The following PRAG1 variants were observed in gnomAD, a reference collection of about 807,000 sequenced individuals.
PRAG1 encodes the protein PEAK1 related, kinase-activating pseudokinase 1.
A neutral mutation model predicts 95.6 loss-of-function variants in PRAG1; 110 were observed. The observed-to-expected ratio is 1.15, with a 90% CI of 0.99 to 1.35. PRAG1 has a LOEUF of 1.35. Among genes scored for constraint, PRAG1 ranks in the 40% most tolerant of loss-of-function variants. PRAG1 has a pLI of 0.00. For missense variants in PRAG1, 2,554 were observed against 1,864.7 expected, an observed-to-expected ratio of 1.37 and a Z score of -6.81; for synonymous variants, 1,052 against 819.4, an observed-to-expected ratio of 1.28 and a Z score of -4.85.
chr8:8,325,736 C>A (rs957482331), intron 5 of PRAG1, among the ~76,000 whole-genome samples: 3 of 151,872 alleles, frequency 2.0e-5, no homozygotes, highest in African/African-American at 7.3e-5. Flanking sequence ...TGGGGAAACC[C>A]CATCTCTGCT....
intron 3 of PRAG1, among the ~76,000 whole-genome samples, chr8:8,348,961 A>G (rs1258531014): frequency 4.6e-5 from 7 of 152,216 alleles, no homozygotes; most frequent in Non-Finnish European, 8.8e-5. Flanking sequence ...CCACAGTGGC[A>G]TCTGGGAGAA....
intron 4 of PRAG1, among the ~76,000 whole-genome samples, chr8:8,336,953 T>C (rs778289244): frequency 3.7e-5 from 5 of 133,776 alleles, no homozygotes; most frequent in Admixed American, 8.0e-5. Flanking sequence ...TCACTAACTT[T>C]AGCCATTAAC....
At chr8:8,327,258 T>G (rs946726901) in intron 5 of PRAG1, among the ~76,000 whole-genome samples, 8 of 152,202 alleles carry the variant, frequency 5.3e-5, no homozygotes, top group Admixed American at 1.3e-4. Context: ...GTGAAGCTGC[T>G]GAGCACTAAG....
chr8:8,335,726 C>T (rs1798964636), intron 4 of PRAG1, among the ~76,000 whole-genome samples: 1 of 150,228 alleles, frequency 6.7e-6, no homozygotes, highest in African/African-American at 2.4e-5. Context: ...CCACCCTGTT[C>T]CTGGCTTGAT....
At chr8:8,380,991 G>T (rs898089907) in intron 2 of PRAG1, among the ~76,000 whole-genome samples, 1 of 152,062 alleles carries the variant, frequency 6.6e-6, no homozygotes, top group African/African-American at 2.4e-5. Flanking sequence ...AGGGAAGGGG[G>T]TCAGTGTGAG....
intron 4 of PRAG1, among the ~76,000 whole-genome samples, chr8:8,332,791 A>T (rs1798865765): frequency 6.6e-6 from 1 of 152,174 alleles, no homozygotes; most frequent in Non-Finnish European, 1.5e-5. Flanking sequence ...TATGGAATCT[A>T]AAGGCACTCC....
rs2117115174 is a variant in PRAG1 at position 8,327,895 on chromosome 8, G to C, written c.2887C>G (p.Leu963Val). 3 of 1,614,254 alleles carry C rather than the reference G, an allele frequency of 1.9e-6. No homozygotes were observed. Among genetic ancestry groups the C allele is most frequent in the East Asian group, 2.2e-5 (1 of 44,882 alleles). The change falls in exon 5 of 6, where the codon CTG becomes GTG. Residue 963 changes from leucine (L) to valine (V), a missense_variant. Transcript: ENST00000615670. ...TCACATTTGGCTACAAGGCGGGCCA[G>C]GGACTGGGTGTAGAGTCCCCCCAGC... The part of the protein sequence containing the change: ...AKLGGLYTQS[L>V]ARLVAKCEDL...
intron 2 of PRAG1, among the ~76,000 whole-genome samples, chr8:8,379,094 G>A (rs1472789525): frequency 1.3e-5 from 2 of 151,870 alleles, no homozygotes; most frequent in Non-Finnish European, 2.9e-5. Context: ...GGTGAGGGGT[G>A]GCTTCTGAAC....
intron 3 of PRAG1, among the ~76,000 whole-genome samples, chr8:8,371,211 AGG>A (rs144612726): frequency 0.076 from 11,565 of 151,430 alleles, 539 homozygotes; most frequent in Middle Eastern, 0.21. Context: ...CCACAGAAAA[AGG>A]GGTGAATTTA....
Position 8,382,723 on chromosome 8 carries a change from C to T in PRAG1, c.-87-889G>A, listed in dbSNP as rs1800723554. Among the ~76,000 whole-genome samples the T allele has an allele frequency of 2.6e-5, 4 of 152,216 alleles. No individual in the cohort carries two copies. In the South Asian group the frequency reaches 6.2e-4, roughly 24 times the overall value. On this transcript the variant is annotated intron_variant, in intron 1 of 5. Transcript: ENST00000615670. ...TTTGCACCATGGTCCCTTGTAAATT[C>T]ACCACTGAGAAGGAGCTCAAAGAGT...
rs1330754832 is a variant in PRAG1 at position 8,381,724 on chromosome 8, G to A, written c.24C>T (p.Asn8=). 1 of 1,599,608 alleles carries A rather than the reference G, an allele frequency of 6.3e-7. No homozygotes were observed. The highest frequency in any genetic ancestry group is 1.1e-5 in the South Asian group (1 of 89,620). Residue 8 remains asparagine (N), a synonymous_variant, in exon 2 of 6, where the codon AAC becomes AAT. Transcript: ENST00000615670. The part of the protein sequence containing the change: MHQTLCL[N]PESLKMSACS... ...ACGCAGACATTTTCAGGCTCTCGGG[G>A]TTCAGGCAGAGGGTCTGGTGCATCT...
intron 2 of PRAG1, among the ~76,000 whole-genome samples, chr8:8,378,325 A>G (rs890366260): frequency 6.6e-6 from 1 of 152,124 alleles, no homozygotes. Flanking sequence ...CTACCCATGG[A>G]CTGTAATGCT....
chr8:8,368,075 G>C (rs1264200445), intron 3 of PRAG1, among the ~76,000 whole-genome samples: 7 of 152,190 alleles, frequency 4.6e-5, no homozygotes, highest in Admixed American at 4.6e-4. Flanking sequence ...TTAGGTTTTA[G>C]ACTTTAGAAA....
At chr8:8,363,608 T>G (rs1191803138) in intron 3 of PRAG1, among the ~76,000 whole-genome samples, 1 of 152,190 alleles carries the variant, frequency 6.6e-6, no homozygotes, top group African/African-American at 2.4e-5. Flanking sequence ...TTCAGTTTTG[T>G]AAAATGAAAA....
At position 8,328,499 on chromosome 8, in the gene PRAG1, G is replaced by C. The variant is rs756545845; in HGVS notation, c.2321-38C>G. ...GACAGAAACCATAAGACCAAGGCCA[G>C]TGCCACTCAATTCCAGGGTCCTGCA... On this transcript the variant is annotated intron_variant, in intron 4 of 5. Coordinates refer to ENST00000615670, the MANE Select transcript of PRAG1 (RefSeq NM_001080826.3). The C allele has an allele frequency of 6.9e-6, 11 of 1,601,624 alleles. No individual in the cohort carries two copies. In the South Asian group the frequency reaches 1.1e-4, roughly 16 times the overall value.
In PRAG1 at chr8:8,319,222, G is replaced by T. The variant is rs574913626; in HGVS notation, c.3153C>A (p.Cys1051Ter). The T allele has an allele frequency of 1.3e-6, 2 of 1,576,354 alleles. No individual in the cohort carries two copies. Among genetic ancestry groups the T allele is most frequent in the Admixed American group, 1.7e-5 (1 of 57,516 alleles). ...ACGGCACCGAGGCGACGAAGTGGCC[G>T]CAGTCCTGCTGGATGTTAAAGTGCA... ...VPVHFNIQQD[C>*]GHFVASVPSS... The change falls in exon 6 of 6, where the codon TGC (cysteine) becomes TGA (stop). Residue 1051 changes from cysteine to a stop codon, truncating the protein, a stop_gained. Coordinates refer to ENST00000615670, the MANE Select transcript of PRAG1 (RefSeq NM_001080826.3). LOFTEE classifies it high-confidence loss of function.
chr8:8,367,566 G>C (rs914745720), intron 3 of PRAG1, among the ~76,000 whole-genome samples: 1 of 149,330 alleles, frequency 6.7e-6, no homozygotes, highest in Non-Finnish European at 1.5e-5. Flanking sequence ...TTTTCTTCGT[G>C]ACCTTCAAGG....
chr8:8,381,587 A>T lies in PRAG1; in HGVS notation c.161T>A (p.Leu54Gln), dbSNP rs1373204746. 6.2e-7 allele frequency: 1 copy of T among 1,614,104 alleles called. No individual in the cohort carries two copies. Among genetic ancestry groups the T allele is most frequent in the Non-Finnish European group, 8.5e-7 (1 of 1,179,986 alleles). ...AGPPQPRAGS[L>Q]PPPPRLPPRP... Reference sequence around the variant, plus strand: ...GGGAGGCAGGCGCGGTGGAGGGGGCAGGCTGCCCGCTCTGGGCTGGGGAGG... The same window carrying T: ...GGGAGGCAGGCGCGGTGGAGGGGGCTGGCTGCCCGCTCTGGGCTGGGGAGG... Residue 54 changes from leucine (L) to glutamine (Q), a missense_variant, in exon 2 of 6, where the codon CTG becomes CAG. By Grantham distance (113) the Leu-to-Gln change is moderately radical (BLOSUM62 -2). Coordinates refer to ENST00000615670, the MANE Select transcript of PRAG1 (RefSeq NM_001080826.3).
At chr8:8,346,580 T>C (rs1396426007) in intron 3 of PRAG1, among the ~76,000 whole-genome samples, 1 of 152,162 alleles carries the variant, frequency 6.6e-6, no homozygotes, top group Non-Finnish European at 1.5e-5. Flanking sequence ...AAAAAAAGAC[T>C]CCAGCCGGAA....
Sources: gnomAD v4.1 joint callset for allele counts (sites outside exome capture counted in the v4.1 genomes callset) on GRCh38, gnomAD v4.1.1 for gene constraint, MANE v1.5 for transcripts, NCBI Gene and HGNC (gene_info 2026-07-23, HGNC 2026-07-21) for gene names.